Variants in NUMA1 observed in about 807,000 individuals in gnomAD.
NUMA1 encodes nuclear mitotic apparatus protein 1.
A neutral mutation model predicts 237.1 loss-of-function variants in NUMA1; 62 were observed. That is an observed-to-expected ratio of 0.26 (90% CI 0.21 to 0.32). The LOEUF is 0.32. NUMA1 is among the 10% of genes least tolerant of loss of function. The probability of loss-of-function intolerance (pLI) is 1.00; values close to 1 mark genes in which losing one functional copy is unlikely to be tolerated. For missense variants in NUMA1, 2,533 were observed against 2,666.5 expected (o/e 0.95, Z 1.10); for synonymous variants, 1,028 against 1,066.1 (o/e 0.96, Z 0.70).
chr11:72,022,087 C>A, intron 7 of NUMA1: 1 of 360,620 alleles, frequency 2.8e-6, no homozygotes, highest in Non-Finnish European at 5.1e-6. Context: ...TACAGTTAAA[C>A]ATATGCACAT....
chr11:72,018,323 G>A (rs1938193938), intron 11 of NUMA1, 23 bp from the exon 12 acceptor site: 3 of 1,610,244 alleles, frequency 1.9e-6, no homozygotes, highest in Non-Finnish European at 1.7e-6. Context: ...GAAGCAGTGA[G>A]AAGAGAGTAT....
rs960732420 is a variant in NUMA1 at position 72,003,349 on chromosome 11, A to T, written c.*178T>A. On this transcript the variant is annotated 3_prime_UTR_variant, in exon 27 of 27. Coordinates refer to ENST00000393695, the MANE Select transcript of NUMA1 (RefSeq NM_006185.4). ...CCAGGCCCCCTGGGCCAGCTCCGAG[A>T]AGGCGCCAGTGAAGGACCAGGGACC... 6.6e-5 allele frequency: 43 copies of T among 654,938 alleles called. No individual in the cohort carries two copies. The highest frequency in any genetic ancestry group is 1.1e-5 in the Non-Finnish European group (4 of 361,248). 40.6% of individuals were successfully genotyped at this position (654,938 alleles called of 1,614,324 possible). A position where few individuals can be genotyped will look rare whatever the true frequency, so the allele number is the denominator to read the frequency against.
intron 22 of NUMA1, 34 bp from the exon 23 acceptor site, chr11:72,005,403 C>T: frequency 1.3e-6 from 2 of 1,594,466 alleles, no homozygotes; most frequent in South Asian, 1.1e-5. Context: ...ACAAATGAGC[C>T]TGGAGTCGGC....
chr11:72,019,624 G>C lies in NUMA1; in HGVS notation c.461-7C>G. The C allele has an allele frequency of 1.9e-6, 3 of 1,611,418 alleles. No homozygotes were observed. Among genetic ancestry groups the C allele is most frequent in the Non-Finnish European group, 1.7e-6 (2 of 1,178,586 alleles). ...CAGGTAGAAGGCACAGGAGCTGGGG[G>C]TAAGAAATAGACAAAATAAATCAAC... On this transcript the variant is annotated splice_polypyrimidine_tract_variant and splice_region_variant and intron_variant, in intron 8 of 26. Coordinates refer to ENST00000393695, the MANE Select transcript of NUMA1 (RefSeq NM_006185.4).
At chr11:72,066,316 A>T (rs1166220939) in intron 2 of NUMA1, 1 of 152,092 alleles carries the variant, frequency 6.6e-6, no homozygotes, top group Non-Finnish European at 1.5e-5. Flanking sequence ...AAAAAAAAAA[A>T]GAATAGACAG....
chr11:72,050,348 C>T (rs1264314473), intron 2 of NUMA1, among the ~76,000 whole-genome samples: 1 of 152,226 alleles, frequency 6.6e-6, no homozygotes, highest in Non-Finnish European at 1.5e-5. Context: ...CCTTTTTCCA[C>T]ACCAGAATGC....
At chr11:72,011,600 C>T (rs2134812566) in intron 16 of NUMA1, among the ~76,000 whole-genome samples, 1 of 152,270 alleles carries the variant, frequency 6.6e-6, no homozygotes, top group East Asian at 1.9e-4. Flanking sequence ...CTTTGATTGT[C>T]CCCCACTATC....
intron 2 of NUMA1, chr11:72,042,125 A>G (rs1274071518): frequency 6.6e-6 from 1 of 152,264 alleles, no homozygotes; most frequent in Non-Finnish European, 1.5e-5. Context: ...TGCTTCTCCT[A>G]CATGGCTGAA....
chr11:72,068,106 T>C (rs1943279348), intron 2 of NUMA1: 1 of 152,224 alleles, frequency 6.6e-6, no homozygotes, highest in Admixed American at 6.5e-5. Context: ...CCTCACCACC[T>C]GGGATTCATC....
intron 17 of NUMA1, 44 bp from the exon 18 acceptor site, chr11:72,009,431 C>T (rs549812002): frequency 6.4e-7 from 1 of 1,554,618 alleles, no homozygotes; most frequent in East Asian, 2.2e-5. Context: ...GGCCGCTCTA[C>T]CCAAGTCCGC....
At chr11:72,053,753 T>G (rs1942488886) in intron 2 of NUMA1, among the ~76,000 whole-genome samples, 2 of 152,226 alleles carry the variant, frequency 1.3e-5, no homozygotes, top group Non-Finnish European at 2.9e-5. Context: ...CAGTAGGCCC[T>G]CTGTATCCAT....
chr11:72,078,610 AG>A (rs1252609252), intron 1 of NUMA1, among the ~76,000 whole-genome samples: 1 of 152,254 alleles, frequency 6.6e-6, no homozygotes, highest in Middle Eastern at 3.2e-3. Context: ...CTTTCAGGTA[AG>A]ATCTTTAAGC....
Position 72,018,394 on chromosome 11 carries a change from A to G in NUMA1, c.860+2T>C. ...TGGGAAGGAATGCAGGGAGAGCTGT[A>G]CCTCTCATTCTTGTCACGCAGCTCC... On this transcript the variant is annotated splice_donor_variant, in intron 11 of 26. Transcript: ENST00000393695. LOFTEE classifies it high-confidence loss of function. 2 of 1,613,010 alleles carry G rather than the reference A, an allele frequency of 1.2e-6. No homozygotes were observed. The highest frequency in any genetic ancestry group is 1.7e-6 in the Non-Finnish European group (2 of 1,179,098).
intron 1 of NUMA1, among the ~76,000 whole-genome samples, chr11:72,075,894 G>T (rs1486130927): frequency 6.6e-6 from 1 of 152,192 alleles, no homozygotes; most frequent in Non-Finnish European, 1.5e-5. Context: ...TATGGAATTT[G>T]TAACACCCTC....
intron 3 of NUMA1, among the ~76,000 whole-genome samples, chr11:72,032,535 A>G (rs1469090378): frequency 1.3e-5 from 2 of 152,266 alleles, no homozygotes; most frequent in East Asian, 3.8e-4. Flanking sequence ...ATCTGGATTC[A>G]TCACATATAC....
In NUMA1 at chr11:72,014,776, C is replaced by T. The variant is rs1244492085; in HGVS notation, c.2727G>A (p.Met909Ile). Residue 909 changes from methionine to isoleucine, a missense_variant, in exon 15 of 27, where the codon ATG (methionine) becomes ATA (isoleucine). This residue lies in a region of NUMA1 where 1,414 missense variants were observed against 1,508.1 expected (regional missense o/e 0.94). Transcript: ENST00000393695. The surrounding 1 kb of genome is among the most constrained non-coding windows in gnomAD (Gnocchi z 4.6). ...ADDLSTLQEK[M>I]AATSKEVARL... Reference sequence around the variant, plus strand: ...GGGCCACCTCTTTGCTGGTGGCAGCCATCTTTTCCTGCAGAGTGGAGAGGT... The same window carrying T: ...GGGCCACCTCTTTGCTGGTGGCAGCTATCTTTTCCTGCAGAGTGGAGAGGT... The T allele has an allele frequency of 6.2e-7, 1 of 1,614,202 alleles. No homozygotes were observed. The highest frequency in any genetic ancestry group is 1.1e-5 in the South Asian group (1 of 91,086).
At position 72,014,396 on chromosome 11, in the gene NUMA1, T is replaced by C. The variant is rs1956356342; in HGVS notation, c.3107A>G (p.Asn1036Ser). ...CTCCACACGCTGCTCGTTGAGGGCG[T>C]TCTGCAGCCGCATCTCAAGCTCTGC... The part of the protein sequence containing the change: ...ARAELEMRLQ[N>S]ALNEQRVEFA... Residue 1036 changes from asparagine to serine, a missense_variant, in exon 15 of 27, where the codon AAC becomes AGC. This residue lies in a region of NUMA1 where 1,414 missense variants were observed against 1,508.1 expected (regional missense o/e 0.94). Coordinates refer to ENST00000393695, the MANE Select transcript of NUMA1 (RefSeq NM_006185.4). The surrounding 1 kb of genome is among the most constrained non-coding windows in gnomAD (Gnocchi z 4.6). The C allele has an allele frequency of 6.2e-7, 1 of 1,611,378 alleles. No homozygotes were observed. Among genetic ancestry groups the C allele is most frequent in the African/African-American group, 1.3e-5 (1 of 74,924 alleles).
At position 72,056,635 on chromosome 11, in the gene NUMA1, T is replaced by TAA. The variant is rs59248999; in HGVS notation, c.-33+13205_-33+13206dup. Reference sequence around the variant, plus strand: ...GCGCCTGACCAAGATCCCATCTCTTTAAAAAAAAAAAAAAAAAAAAAAAAA... The same window carrying TAA: ...GCGCCTGACCAAGATCCCATCTCTTTAAAAAAAAAAAAAAAAAAAAAAAAAAA... On this transcript the variant is annotated intron_variant, in intron 2 of 26. Coordinates refer to ENST00000393695, the MANE Select transcript of NUMA1 (RefSeq NM_006185.4). Among the ~76,000 whole-genome samples the TAA allele has an allele frequency of 3.3e-3, 249 of 75,946 alleles. 6 individuals are homozygous for TAA. Among genetic ancestry groups the TAA allele is most frequent in the African/African-American group, 0.015 (225 of 15,374 alleles). 49.8% of individuals were successfully genotyped at this position (75,946 alleles called of 152,430 possible). A position where few individuals can be genotyped will look rare whatever the true frequency, so the allele number is the denominator to read the frequency against.
chr11:72,004,753 G>C lies in NUMA1; in HGVS notation c.5893C>G (p.Leu1965Val). The change falls in exon 24 of 27, where the codon CTG (leucine) becomes GTG (valine). Residue 1965 changes from leucine to valine, a missense_variant. This residue lies in a region of NUMA1 where 795 missense variants were observed against 750.8 expected (regional missense o/e 1.06). Coordinates refer to ENST00000393695, the MANE Select transcript of NUMA1 (RefSeq NM_006185.4). ...EMKTGDPQETLRRASMQPIQI... is the reference protein window; with the variant it reads ...EMKTGDPQETVRRASMQPIQI... ...ATTGGCTGCATGCTGGCTCGGCGCAGGGTCTCTTGGGGGTCTCCAGTTTTC... is the reference window on the plus strand; with the variant it reads ...ATTGGCTGCATGCTGGCTCGGCGCACGGTCTCTTGGGGGTCTCCAGTTTTC... 1 of 1,608,212 alleles carries C rather than the reference G, an allele frequency of 6.2e-7. No individual in the cohort carries two copies. The highest frequency in any genetic ancestry group is 1.1e-5 in the South Asian group (1 of 90,302).
Sources: allele counts gnomAD v4.1 joint callset (sites outside exome capture counted in the v4.1 genomes callset), GRCh38; gene constraint gnomAD v4.1.1; regional missense constraint gnomAD v4.1.1; non-coding constraint Gnocchi (gnomAD v3.1); transcripts MANE v1.5; gene names NCBI Gene and HGNC (gene_info 2026-07-23, HGNC 2026-07-21).